Variants in SPA17 observed in about 807,000 individuals in gnomAD.
SPA17 encodes sperm surface protein Sp17.
SPA17 carries 7 observed loss-of-function variants against 13.8 expected under a neutral mutation model. The observed-to-expected ratio is 0.51, with a 90% CI of 0.29 to 0.95. SPA17 has a LOEUF of 0.95. Ranked by LOEUF, SPA17 falls within the 40% of genes least tolerant of loss-of-function variation. The probability of loss-of-function intolerance (pLI) is 0.08; values close to 1 mark genes in which losing one functional copy is unlikely to be tolerated. For missense variants in SPA17, 170 were observed against 179.3 expected (o/e 0.95, Z 0.30); for synonymous variants, 61 against 59.0 (o/e 1.03, Z -0.16).
At chr11:124,675,120 G>A in intron 1 of SPA17, 118 bp from the exon 2 acceptor site, 1 of 1,032,408 alleles carries the variant, frequency 9.7e-7, no homozygotes, top group Admixed American at 2.8e-5. Context: ...GGTTGTGTTA[G>A]GGAAAAAAGA....
At position 124,694,769 on chromosome 11, in the gene SPA17, A is replaced by G. The variant is rs1943656986; in HGVS notation, c.*323A>G. ...GTTCTAACTATTATCAAATGAATAA[A>G]TCCTCTCTATCACATCCCCCAAAAA... On this transcript the variant is annotated 3_prime_UTR_variant, in exon 5 of 5. Coordinates refer to ENST00000227135, the MANE Select transcript of SPA17 (RefSeq NM_017425.4). 1 of 171,642 alleles carries G rather than the reference A, an allele frequency of 5.8e-6. No individual in the cohort carries two copies. The highest frequency in any genetic ancestry group is 6.3e-5 in the Admixed American group (1 of 15,852). The allele number at this position is 171,642 out of a possible 1,614,324, so 10.6% of individuals were successfully genotyped here. A position where few individuals can be genotyped will look rare whatever the true frequency, so the allele number is the denominator to read the frequency against.
At position 124,694,551 on chromosome 11, in the gene SPA17, T is replaced by TA; in HGVS notation, c.*107dup. 2 of 1,396,430 alleles carry TA rather than the reference T, an allele frequency of 1.4e-6. No homozygotes were observed. The highest frequency in any genetic ancestry group is 2.8e-5 in the South Asian group (2 of 70,436). 86.5% of individuals were successfully genotyped at this position (1,396,430 alleles called of 1,614,324 possible). ...GGAAGGAAGATTTGATGTTGTGAAA[T>TA]AACATTCGTTACTGTTGTGAAAATC... On this transcript the variant is annotated 3_prime_UTR_variant, in exon 5 of 5. Coordinates refer to ENST00000227135, the MANE Select transcript of SPA17 (RefSeq NM_017425.4).
intron 4 of SPA17, 119 bp from the exon 5 acceptor site, chr11:124,694,184 A>C (rs1407660070): frequency 7.7e-7 from 1 of 1,297,448 alleles, no homozygotes; most frequent in African/African-American, 1.5e-5. Context: ...TTCCCTCAGG[A>C]AGCAACAGCT....
intron 3 of SPA17, among the ~76,000 whole-genome samples, chr11:124,683,229 C>T (rs531755059): frequency 1.6e-4 from 24 of 152,086 alleles, no homozygotes; most frequent in Non-Finnish European, 2.8e-4. Flanking sequence ...AAGAAGTGTT[C>T]AAGGAAATCC....
chr11:124,694,053 G>C (rs1172862107), intron 4 of SPA17, among the ~76,000 whole-genome samples: 2 of 152,108 alleles, frequency 1.3e-5, no homozygotes, highest in Non-Finnish European at 2.9e-5. Flanking sequence ...CACTATTTTA[G>C]GGGAAAGAAA....
At chr11:124,685,093 A>G (rs990614850) in intron 3 of SPA17, among the ~76,000 whole-genome samples, 1 of 152,270 alleles carries the variant, frequency 6.6e-6, no homozygotes, top group African/African-American at 2.4e-5. Context: ...GACAATGGGG[A>G]AAATGTCTCC....
intron 3 of SPA17, among the ~76,000 whole-genome samples, chr11:124,690,129 A>G (rs745972951): frequency 6.6e-6 from 1 of 152,246 alleles, no homozygotes; most frequent in Non-Finnish European, 1.5e-5. Context: ...CCCAAGGGAA[A>G]ATAAATCAAT....
At chr11:124,674,003 C>T in intron 1 of SPA17, 51 bp downstream of exon 1, 1 of 452,266 alleles carries the variant, frequency 2.2e-6, no homozygotes, top group Non-Finnish European at 4.0e-6. Flanking sequence ...AGCCTTTTCC[C>T]TTCGTCTCTC....
chr11:124,676,543 T>G (rs1943466199), intron 2 of SPA17, among the ~76,000 whole-genome samples: 1 of 152,254 alleles, frequency 6.6e-6, no homozygotes, highest in Non-Finnish European at 1.5e-5. Flanking sequence ...TTGCTTTTTT[T>G]GCCCTGCCCT....
chr11:124,697,144 T>G lies in SPA17; in HGVS notation c.*2698T>G, dbSNP rs1215807274. ...CTTGGTCCTAGTTCCCATGATAGCC[T>G]TGTGAATTATTGCAATAACCTATAT... On this transcript the variant is annotated 3_prime_UTR_variant, in exon 5 of 5. Transcript: ENST00000227135. 4 of 152,252 alleles carry G rather than the reference T, an allele frequency of 2.6e-5. No individual in the cohort carries two copies. The highest frequency in any genetic ancestry group is 2.6e-4 in the Admixed American group (4 of 15,288). The allele number at this position is 152,252 out of a possible 1,614,324, so 9.4% of individuals were successfully genotyped here.
Position 124,675,402 on chromosome 11 carries a change from T to C in SPA17, c.138T>C (p.Leu46=), listed in dbSNP as rs894517861. The change falls in exon 2 of 5, where the codon CTT becomes CTC. Residue 46 remains leucine (L), a synonymous_variant. Coordinates refer to ENST00000227135, the MANE Select transcript of SPA17 (RefSeq NM_017425.4). ...TTGCAGCAGCCTATTTTGAGAGCCT[T>C]CTAGAGAAAAGAGAGAGTAAGCTTT... ...PAFAAAYFES[L]LEKREKTNFD... 2 of 1,612,028 alleles carry C rather than the reference T, an allele frequency of 1.2e-6. No homozygotes were observed. Among genetic ancestry groups the C allele is most frequent in the South Asian group, 1.1e-5 (1 of 90,292 alleles).
At chr11:124,679,317 AAAAAC>A (rs747736477) in intron 2 of SPA17, among the ~76,000 whole-genome samples, 8 of 152,160 alleles carry the variant, frequency 5.3e-5, no homozygotes, top group Non-Finnish European at 7.4e-5. Context: ...CTTCAAAAAA[AAAAAC>A]CCTTAAGCTG....
intron 3 of SPA17, among the ~76,000 whole-genome samples, chr11:124,685,858 T>C (rs1221929439): frequency 6.6e-6 from 1 of 152,182 alleles, no homozygotes; most frequent in Non-Finnish European, 1.5e-5. Context: ...TTGGAGCAGG[T>C]GTATTTACCC....
intron 3 of SPA17, among the ~76,000 whole-genome samples, chr11:124,682,901 CAAAA>C (rs112659312): frequency 1.1e-5 from 1 of 92,176 alleles, no homozygotes. Flanking sequence ...AAATACAATG[CAAAA>C]AAAAAAAAAA....
rs1047681552 is a variant in SPA17, at chr11:124,697,242, C to T, written c.*2796C>T. 2 of 152,202 alleles carry T rather than the reference C, an allele frequency of 1.3e-5. No individual in the cohort carries two copies. The highest frequency in any genetic ancestry group is 4.8e-5 in the African/African-American group (2 of 41,430). 9.4% of individuals were successfully genotyped at this position (152,202 alleles called of 1,614,324 possible). ...GTGGTTTAAGACAATTATATTTTCT[C>T]CTGGGTCTGTAGGTCAGTGGTAATG... On this transcript the variant is annotated 3_prime_UTR_variant, in exon 5 of 5. Transcript: ENST00000227135.
chr11:124,676,636 T>C (rs2134406061), intron 2 of SPA17, among the ~76,000 whole-genome samples: 1 of 152,330 alleles, frequency 6.6e-6, no homozygotes, highest in South Asian at 2.1e-4. Flanking sequence ...TGTTGCACAA[T>C]CTGAAACTTT....
At position 124,696,883 on chromosome 11, in the gene SPA17, T is replaced by C. The variant is rs1943678536; in HGVS notation, c.*2437T>C. On this transcript the variant is annotated 3_prime_UTR_variant, in exon 5 of 5. Coordinates refer to ENST00000227135, the MANE Select transcript of SPA17 (RefSeq NM_017425.4). ...CTATAGGCATCTCAAAAGTAACATA[T>C]AAAAAATGAATCCTGATATTGCCCC... 1 of 152,170 alleles carries C rather than the reference T, an allele frequency of 6.6e-6. No homozygotes were observed. The highest frequency in any genetic ancestry group is 1.5e-5 in the Non-Finnish European group (1 of 68,038). 9.4% of individuals were successfully genotyped at this position (152,170 alleles called of 1,614,324 possible).
Position 124,694,958 on chromosome 11 carries a change from A to C in SPA17, c.*512A>C, listed in dbSNP as rs1288560972. 6.6e-6 allele frequency: 1 copy of C among 152,482 alleles called. No individual in the cohort carries two copies. The highest frequency in any genetic ancestry group is 1.5e-5 in the Non-Finnish European group (1 of 68,294). The allele number at this position is 152,482 out of a possible 1,614,324, so 9.4% of individuals were successfully genotyped here. A position where few individuals can be genotyped will look rare whatever the true frequency, so the allele number is the denominator to read the frequency against. On this transcript the variant is annotated 3_prime_UTR_variant, in exon 5 of 5. Transcript: ENST00000227135. ...CCCCATGTCTACTAAAAGTACAAAA[A>C]TTGGCCAGGCGTGGTGCGCACACCT... is the stretch of plus-strand genomic sequence containing the variant.
Position 124,675,700 on chromosome 11 carries a change from C to T in SPA17, c.154+282C>T, listed in dbSNP as rs541971053. 34 of 252,218 alleles carry T rather than the reference C, an allele frequency of 1.3e-4. No homozygotes were observed. In the South Asian group the frequency reaches 1.4e-3, roughly 10 times the overall value. The allele number at this position is 252,218 out of a possible 1,614,324, so 15.6% of individuals were successfully genotyped here. A position where few individuals can be genotyped will look rare whatever the true frequency, so the allele number is the denominator to read the frequency against. ...TAACTGCAAAAGAGCATACATTTCT[C>T]GGGAGAAATCAGTGGGGGAAAAAAA... On this transcript the variant is annotated intron_variant, in intron 2 of 4. Coordinates refer to ENST00000227135, the MANE Select transcript of SPA17 (RefSeq NM_017425.4).
Sources: gnomAD v4.1 joint callset for allele counts (sites outside exome capture counted in the v4.1 genomes callset) on GRCh38, gnomAD v4.1.1 for gene constraint, MANE v1.5 for transcripts, NCBI Gene and HGNC (gene_info 2026-07-23, HGNC 2026-07-21) for gene names.